NOX3: variants seen among roughly 807,000 people sequenced by gnomAD.
NOX3 encodes the protein NADPH oxidase catalytic subunit-like 3.
A neutral mutation model predicts 76.7 loss-of-function variants in NOX3; 74 were observed. The observed-to-expected ratio is 0.96, with a 90% CI of 0.80 to 1.17. NOX3 has a LOEUF of 1.17. Ranked by LOEUF, NOX3 falls within the 50% of genes most tolerant of loss-of-function variation. The probability of loss-of-function intolerance (pLI) is 0.00; values close to 1 mark genes in which losing one functional copy is unlikely to be tolerated. For missense variants in NOX3, 695 were observed against 703.3 expected, an observed-to-expected ratio of 0.99 and a Z score of 0.13; for synonymous variants, 263 against 261.1, an observed-to-expected ratio of 1.01 and a Z score of -0.07.
chr6:155,416,997 C>G (rs1776630437), intron 10 of NOX3, among the ~76,000 whole-genome samples: 1 of 151,966 alleles, frequency 6.6e-6, no homozygotes, highest in Admixed American at 6.6e-5. Flanking sequence ...GTGTTCCGCC[C>G]ACCTCGACCT....
chr6:155,443,116 A>C (rs1455790609), intron 5 of NOX3, among the ~76,000 whole-genome samples, 157 bp downstream of exon 5: 1 of 152,226 alleles, frequency 6.6e-6, no homozygotes, highest in African/African-American at 2.4e-5. Flanking sequence ...TGAGAAAAAA[A>C]TAACTTTTTA....
chr6:155,412,171 C>T (rs1308510018), intron 10 of NOX3, among the ~76,000 whole-genome samples: 1 of 152,114 alleles, frequency 6.6e-6, no homozygotes, highest in Non-Finnish European at 1.5e-5. Context: ...CTCGTGCCTT[C>T]TCCCCAAAGA....
chr6:155,421,534 T>C (rs1402723543), intron 10 of NOX3, among the ~76,000 whole-genome samples: 1 of 152,200 alleles, frequency 6.6e-6, no homozygotes, highest in East Asian at 1.9e-4. Flanking sequence ...TTGGGAAAGA[T>C]AGATGAAACA....
Position 155,411,334 on chromosome 6 carries a change from A to T in NOX3, c.1335T>A (p.Asp445Glu). ...CAGCAAACCACTCAAAAGCTCTTGC[A>T]TCCCGGCAAATCCAGTAGAAATACA... Reference protein sequence around the residue: ...SKVYFYWICRDARAFEWFADL... With the variant: ...SKVYFYWICREARAFEWFADL... Residue 445 changes from aspartate to glutamate, a missense_variant, in exon 11 of 14, where the codon GAT (aspartate) becomes GAA (glutamate). Transcript: ENST00000159060. 6.2e-7 allele frequency: 1 copy of T among 1,613,956 alleles called. No homozygotes were observed. Among genetic ancestry groups the T allele is most frequent in the Non-Finnish European group, 8.5e-7 (1 of 1,179,906 alleles).
chr6:155,404,051 C>T (rs163006), intron 12 of NOX3, among the ~76,000 whole-genome samples: 37,153 of 151,222 alleles, frequency 0.25, 5,040 homozygotes, highest in African/African-American at 0.36. Context: ...CAAAAGCCTG[C>T]GAAGTGAGAA....
At chr6:155,441,348 G>T (rs570981336) in intron 5 of NOX3, among the ~76,000 whole-genome samples, 4 of 152,140 alleles carry the variant, frequency 2.6e-5, no homozygotes, top group Non-Finnish European at 5.9e-5. Flanking sequence ...ATTGAAAGGG[G>T]TATGTCTCAA....
chr6:155,455,244 G>T, intron 1 of NOX3, 115 bp from the exon 2 acceptor site: 1 of 636,636 alleles, frequency 1.6e-6, no homozygotes, highest in African/African-American at 1.8e-5. Context: ...ATATTAATCA[G>T]AATTACTCCA....
intron 10 of NOX3, 105 bp from the exon 11 acceptor site, chr6:155,411,465 T>G: frequency 9.6e-7 from 1 of 1,036,742 alleles, no homozygotes; most frequent in East Asian, 2.7e-5. Flanking sequence ...AAATGGGCAC[T>G]TCTGCAAAAT....
chr6:155,440,195 A>G (rs1231253080), intron 5 of NOX3, 58 bp from the exon 6 acceptor site: 2 of 1,379,436 alleles, frequency 1.4e-6, no homozygotes, highest in Non-Finnish European at 2.0e-6. Flanking sequence ...CCTTGACATT[A>G]AATATCCTGG....
intron 9 of NOX3, among the ~76,000 whole-genome samples, chr6:155,423,556 T>C (rs886822878): frequency 7.2e-5 from 11 of 152,148 alleles, no homozygotes; most frequent in Non-Finnish European, 1.3e-4. Context: ...GTCCTTAGCA[T>C]GGTCCTATGC....
At chr6:155,402,838 A>C (rs1363796939) in intron 12 of NOX3, among the ~76,000 whole-genome samples, 1 of 152,228 alleles carries the variant, frequency 6.6e-6, no homozygotes. Context: ...TTGAGAGCCT[A>C]CTTCAAAGGC....
At chr6:155,416,319 G>A (rs1776620832) in intron 10 of NOX3, among the ~76,000 whole-genome samples, 1 of 152,210 alleles carries the variant, frequency 6.6e-6, no homozygotes, top group Admixed American at 6.5e-5. Flanking sequence ...TTCTCTCTGT[G>A]AAAAGATAAA....
intron 12 of NOX3, among the ~76,000 whole-genome samples, chr6:155,405,512 G>A (rs943325540): frequency 7.2e-5 from 11 of 152,176 alleles, no homozygotes; most frequent in East Asian, 3.9e-4. Context: ...TCCCCTGAAC[G>A]TTTGCTTCTT....
At chr6:155,410,296 AGTGTGT>A (rs142349696) in intron 11 of NOX3, among the ~76,000 whole-genome samples, 3 of 149,346 alleles carry the variant, frequency 2.0e-5, no homozygotes, top group African/African-American at 4.9e-5. Flanking sequence ...CTATAAGGCC[AGTGTGT>A]GTGTGTGTGT....
At chr6:155,411,456 A>G (rs950354663) in intron 10 of NOX3, 96 bp from the exon 11 acceptor site, 22 of 1,176,906 alleles carry the variant, frequency 1.9e-5, no homozygotes, top group South Asian at 1.4e-4. Context: ...TTTGAGCCCA[A>G]ATGGGCACTT....
At chr6:155,431,869 T>G (rs1380739477) in intron 7 of NOX3, among the ~76,000 whole-genome samples, 1 of 152,172 alleles carries the variant, frequency 6.6e-6, no homozygotes, top group African/African-American at 2.4e-5. Flanking sequence ...TATGCCTGAC[T>G]ACCCAGCCTG....
At chr6:155,428,275 C>A (rs137898133) in intron 9 of NOX3, among the ~76,000 whole-genome samples, 1 of 152,162 alleles carries the variant, frequency 6.6e-6, no homozygotes, top group Non-Finnish European at 1.5e-5. Flanking sequence ...TAGGATGTGA[C>A]CTTATTTAGA....
At chr6:155,441,023 G>A (rs1776978624) in intron 5 of NOX3, among the ~76,000 whole-genome samples, 1 of 152,160 alleles carries the variant, frequency 6.6e-6, no homozygotes, top group African/African-American at 2.4e-5. Context: ...GATCAATAAA[G>A]GTACAGCTAT....
intron 5 of NOX3, among the ~76,000 whole-genome samples, chr6:155,440,486 A>T (rs1056409220): frequency 3.9e-5 from 6 of 152,084 alleles, no homozygotes; most frequent in Admixed American, 1.3e-4. Flanking sequence ...AATAAATTAA[A>T]AAAAAAAAGC....
Sources: gnomAD v4.1 joint callset for allele counts (sites outside exome capture counted in the v4.1 genomes callset) on GRCh38, gnomAD v4.1.1 for gene constraint, MANE v1.5 for transcripts, NCBI Gene and HGNC (gene_info 2026-07-23, HGNC 2026-07-21) for gene names.